Variants in ECI2 observed in about 807,000 individuals in gnomAD.
ECI2 encodes the protein D3,D2-enoyl-CoA isomerase.
Under a neutral mutation model 38.4 loss-of-function variants are expected in ECI2, and 27 were observed. The observed-to-expected ratio is 0.70, with a 90% CI of 0.52 to 0.97. The LOEUF (loss-of-function observed/expected upper bound fraction) is 0.97. Ranked by LOEUF, ECI2 falls within the 50% of genes least tolerant of loss-of-function variation. ECI2 has a pLI of 0.00. For missense variants in ECI2, 470 were observed against 474.4 expected (o/e 0.99, Z 0.09); for synonymous variants, 168 against 172.0 (o/e 0.98, Z 0.18).
intron 7 of ECI2, among the ~76,000 whole-genome samples, chr6:4,120,582 C>T (rs1772661682): frequency 6.6e-6 from 1 of 151,900 alleles, no homozygotes; most frequent in Non-Finnish European, 1.5e-5. Context: ...CAAAAATTAG[C>T]CTGGTGTGGT....
At chr6:4,124,443 C>G (rs1725745343) in intron 7 of ECI2, among the ~76,000 whole-genome samples, 1 of 152,190 alleles carries the variant, frequency 6.6e-6, no homozygotes, top group African/African-American at 2.4e-5. Flanking sequence ...CTGCAATCAT[C>G]AGCACAGTTT....
At position 4,125,008 on chromosome 6, in the gene ECI2, G is replaced by A. The variant is rs1253796185; in HGVS notation, c.795+242C>T. 9.3e-6 allele frequency: 6 copies of A among 642,896 alleles called. No homozygotes were observed. The Middle Eastern group carries it at 7.6e-4, about 81-fold the overall frequency. 39.8% of individuals were successfully genotyped at this position (642,896 alleles called of 1,614,324 possible). ...ACATGAAAGCTGTATACCTATTGTG[G>A]AATTTGATTAGAATCCGGAACAGTC... is the stretch of plus-strand genomic sequence containing the variant. On this transcript the variant is annotated intron_variant, in intron 7 of 9. Coordinates refer to ENST00000380118, the MANE Select transcript of ECI2 (RefSeq NM_206836.3).
chr6:4,116,712 G>A (rs1453822772), intron 9 of ECI2, among the ~76,000 whole-genome samples: 2 of 152,076 alleles, frequency 1.3e-5, no homozygotes. Context: ...CCAAAGTACT[G>A]AGACTACAGG....
Position 4,115,986 on chromosome 6 carries a change from T to G in ECI2, c.1073A>C (p.Glu358Ala), listed in dbSNP as rs1399076169. The change falls in exon 10 of 10, where the codon GAA becomes GCA. Residue 358 changes from glutamate (E) to alanine (A), a missense_variant. By Grantham distance (107) the Glu-to-Ala change is moderately radical. Transcript: ENST00000380118. The part of the protein sequence containing the change: ...SKEVIRKRER[E>A]KLHAVNAEEC... ...TTCAGCATTAACAGCGTGTAGTTTT[T>G]CTCTCTCTCTTTTCCTGATTACCTC... 1 of 1,613,528 alleles carries G rather than the reference T, an allele frequency of 6.2e-7. No individual in the cohort carries two copies. The highest frequency in any genetic ancestry group is 1.7e-5 in the Admixed American group (1 of 59,870).
intron 7 of ECI2, among the ~76,000 whole-genome samples, chr6:4,123,280 A>G (rs1339507519): frequency 1.3e-5 from 2 of 151,708 alleles, no homozygotes; most frequent in African/African-American, 4.8e-5. Flanking sequence ...GGGTTCAAGC[A>G]ATTCTCCTGC....
intron 1 of ECI2, 134 bp downstream of exon 1, chr6:4,135,377 G>A (rs908770437): frequency 2.1e-5 from 33 of 1,536,536 alleles, no homozygotes; most frequent in Non-Finnish European, 2.8e-5. Flanking sequence ...TACCTCACCG[G>A]AAAACCAGCA....
At position 4,117,367 on chromosome 6, in the gene ECI2, T is replaced by C. The variant is rs1450281658; in HGVS notation, c.970A>G (p.Ser324Gly). The C allele has an allele frequency of 1.2e-6, 2 of 1,614,084 alleles. No individual in the cohort carries two copies. The highest frequency in any genetic ancestry group is 1.7e-6 in the Non-Finnish European group (2 of 1,179,972). ...GTCCAGACTTCTTTCTGAAAAGTGC[T>C]ATCAGGGAAAACTTCAGTAACAAGT... ...QGLVTEVFPD[S>G]TFQKEVWTRL... Residue 324 changes from serine (S) to glycine (G), a missense_variant, in exon 9 of 10, where the codon AGC becomes GGC. Coordinates refer to ENST00000380118, the MANE Select transcript of ECI2 (RefSeq NM_206836.3).
intron 9 of ECI2, 34 bp downstream of exon 9, chr6:4,117,274 T>TA: frequency 6.4e-7 from 1 of 1,556,718 alleles, no homozygotes; most frequent in Non-Finnish European, 8.6e-7. Flanking sequence ...GAAATCATTT[T>TA]CAAGGTTCTT....
intron 7 of ECI2, chr6:4,121,944 A>G: frequency 1.3e-6 from 2 of 1,553,144 alleles, no homozygotes; most frequent in South Asian, 1.2e-5. Context: ...TTTTTTATCC[A>G]AAAGAAAACT....
Position 4,117,515 on chromosome 6 carries a change from T to C in ECI2, c.886-64A>G, listed in dbSNP as rs1000779375. ...TTAATAAAACAAGGCTTCAGTTAAC[T>C]GCTTTCAGGAGGCTTAGAGAGATGT... On this transcript the variant is annotated intron_variant, in intron 8 of 9. Transcript: ENST00000380118. 11 of 1,576,846 alleles carry C rather than the reference T, an allele frequency of 7.0e-6. No individual in the cohort carries two copies. In the Admixed American group the frequency reaches 1.9e-4, roughly 27 times the overall value.
In ECI2 at chr6:4,125,350, A is replaced by G. The variant is rs764022867; in HGVS notation, c.695T>C (p.Ile232Thr). The change falls in exon 7 of 10, where the codon ATA becomes ACA. Residue 232 changes from isoleucine to threonine, a missense_variant. By Grantham distance (89) the Ile-to-Thr change is moderately conservative. Coordinates refer to ENST00000380118, the MANE Select transcript of ECI2 (RefSeq NM_206836.3). ...TGCAATCAGAGGCTTAGGAAAATCT[A>G]TAAAACAGCCCACAAATTCCCTACA... is the stretch of plus-strand genomic sequence containing the variant. ...VLLREFVGCF[I>T]DFPKPLIAVV... 9 of 1,614,200 alleles carry G rather than the reference A, an allele frequency of 5.6e-6. No homozygotes were observed. The South Asian group carries it at 8.8e-5, about 16-fold the overall frequency.
chr6:4,120,497 T>C (rs895327539), intron 7 of ECI2, among the ~76,000 whole-genome samples: 4 of 151,886 alleles, frequency 2.6e-5, no homozygotes, highest in Non-Finnish European at 1.5e-5. Flanking sequence ...GAGGCAGAGG[T>C]GGGCAAATCA....
intron 8 of ECI2, 75 bp downstream of exon 8, chr6:4,119,111 G>A: frequency 8.4e-7 from 1 of 1,197,276 alleles, no homozygotes. Flanking sequence ...AAAGAAGGGA[G>A]AGTATATGAG....
intron 1 of ECI2, chr6:4,135,130 C>A (rs898602842): frequency 5.8e-6 from 3 of 515,354 alleles, no homozygotes; most frequent in Middle Eastern, 2.9e-4. Context: ...TTTTAGCAAG[C>A]GACGCTTTGC....
intron 6 of ECI2, 137 bp downstream of exon 6, chr6:4,125,998 G>A: frequency 1.4e-6 from 1 of 733,956 alleles, no homozygotes; most frequent in Non-Finnish European, 2.4e-6. Context: ...AGGCAGTTTA[G>A]AGAAATATGC....
chr6:4,132,796 G>A (rs656694), intron 2 of ECI2, among the ~76,000 whole-genome samples: 2,729 of 152,072 alleles, frequency 0.018, 163 homozygotes, highest in Admixed American at 0.11. Context: ...ACAGAGTCTC[G>A]CTCTGTCACT....
intron 8 of ECI2, 137 bp downstream of exon 8, chr6:4,119,049 A>T (rs997885878): frequency 6.3e-5 from 44 of 699,834 alleles, no homozygotes; most frequent in Admixed American, 2.5e-4. Flanking sequence ...TAAAACTCTT[A>T]AAGAGTTGAA....
At chr6:4,134,761 C>T (rs545395304) in intron 1 of ECI2, among the ~76,000 whole-genome samples, 1 of 151,924 alleles carries the variant, frequency 6.6e-6, no homozygotes, top group Admixed American at 6.6e-5. Flanking sequence ...ACGTAGAAAA[C>T]GAAAGAAAAA....
At chr6:4,128,907 C>G (rs892535990) in intron 4 of ECI2, among the ~76,000 whole-genome samples, 1 of 152,152 alleles carries the variant, frequency 6.6e-6, no homozygotes, top group Non-Finnish European at 1.5e-5. Context: ...GATGACTGTA[C>G]ATGAATAAGC....
Sources: allele counts gnomAD v4.1 joint callset (sites outside exome capture counted in the v4.1 genomes callset), GRCh38; gene constraint gnomAD v4.1.1; transcripts MANE v1.5; gene names NCBI Gene and HGNC (gene_info 2026-07-23, HGNC 2026-07-21).